The following ZNF254 variants were observed in gnomAD, a reference collection of about 807,000 sequenced individuals.
ZNF254 encodes the protein CTD-2017D11.1.
ZNF254 carries 10 observed loss-of-function variants against 12.4 expected under a neutral mutation model. The ratio of observed to expected loss-of-function variants is 0.80; its 90% CI spans 0.50 to 1.36. ZNF254 has a LOEUF of 1.36. Ranked by LOEUF, ZNF254 falls within the 40% of genes most tolerant of loss-of-function variation. ZNF254 has a pLI of 0.00. For missense variants in ZNF254, 996 were observed against 763.9 expected (o/e 1.30, Z -3.58); for synonymous variants, 305 against 253.4 (o/e 1.20, Z -1.93).
chr19:24,037,293 A>G (rs985227875), intron 1 of ZNF254, among the ~76,000 whole-genome samples: 3 of 152,238 alleles, frequency 2.0e-5, no homozygotes, highest in South Asian at 2.1e-4. Context: ...TCAGATGTCC[A>G]TGAGTTCAAG....
chr19:24,045,444 C>T (rs928020629), intron 1 of ZNF254, among the ~76,000 whole-genome samples: 2 of 151,924 alleles, frequency 1.3e-5, no homozygotes, highest in Non-Finnish European at 2.9e-5. Flanking sequence ...CCGAGGTGGG[C>T]GAATCACGAG....
At chr19:24,123,923 T>G (rs895723606) in intron 3 of ZNF254, among the ~76,000 whole-genome samples, 3 of 152,064 alleles carry the variant, frequency 2.0e-5, no homozygotes, top group Non-Finnish European at 4.4e-5. Flanking sequence ...TTTAAAATAT[T>G]TTAATAAAAC....
At chr19:24,088,855 C>G (rs1972187999) in intron 1 of ZNF254, among the ~76,000 whole-genome samples, 1 of 151,000 alleles carries the variant, frequency 6.6e-6, no homozygotes, top group Non-Finnish European at 1.5e-5. Context: ...CCGGGCTTCA[C>G]TATGTTGTCC....
At position 24,126,785 on chromosome 19, in the gene ZNF254, G is replaced by A; in HGVS notation, c.785G>A (p.Gly262Glu). 6.2e-7 allele frequency: 1 copy of A among 1,613,250 alleles called. No individual in the cohort carries two copies. The highest frequency in any genetic ancestry group is 8.5e-7 in the Non-Finnish European group (1 of 1,179,700). The stretch of plus-strand genomic sequence containing the variant: ...ACTACACATGAAATAATTCATGCTG[G>A]AGAGAAACTCTACAAATGTGAAGAA... ...TLTTHEIIHA[G>E]EKLYKCEECG... Residue 262 changes from glycine (G) to glutamate (E), a missense_variant, in exon 4 of 4, where the codon GGA (glycine) becomes GAA (glutamate). Coordinates refer to ENST00000357002, the MANE Select transcript of ZNF254 (RefSeq NM_203282.4).
At chr19:24,110,403 T>A (rs1430447980) in intron 3 of ZNF254, among the ~76,000 whole-genome samples, 1 of 151,678 alleles carries the variant, frequency 6.6e-6, no homozygotes, top group East Asian at 1.9e-4. Context: ...TCTACAAACA[T>A]TTTTTTTCTA....
At chr19:24,111,533 C>A (rs1332511312) in intron 3 of ZNF254, among the ~76,000 whole-genome samples, 1 of 152,244 alleles carries the variant, frequency 6.6e-6, no homozygotes, top group African/African-American at 2.4e-5. Context: ...GCCACACTGA[C>A]TTCCACAATG....
intron 1 of ZNF254, among the ~76,000 whole-genome samples, chr19:24,039,113 CT>C (rs1339901994): frequency 6.6e-6 from 1 of 152,216 alleles, no homozygotes; most frequent in Non-Finnish European, 1.5e-5. Flanking sequence ...TTCTCCTCTA[CT>C]TTTCCTCTCC....
intron 1 of ZNF254, among the ~76,000 whole-genome samples, chr19:24,041,483 A>G (rs550519816): frequency 1.8e-4 from 27 of 152,320 alleles, no homozygotes; most frequent in East Asian, 1.2e-3. Context: ...GGGTGTACTG[A>G]GTCCCCCAGC....
In ZNF254 at chr19:24,128,958, A is replaced by G. The variant is rs1267666667; in HGVS notation, c.*978A>G. 1 of 152,010 alleles carries G rather than the reference A, an allele frequency of 6.6e-6. No homozygotes were observed. Among genetic ancestry groups the G allele is most frequent in the East Asian group, 1.9e-4 (1 of 5,192 alleles). The allele number at this position is 152,010 out of a possible 1,614,324, so 9.4% of individuals were successfully genotyped here. On this transcript the variant is annotated 3_prime_UTR_variant, in exon 4 of 4. Coordinates refer to ENST00000357002, the MANE Select transcript of ZNF254 (RefSeq NM_203282.4). The stretch of plus-strand genomic sequence containing the variant: ...TCAACTCTTAAATTCATGCTGTTTC[A>G]TCATTGCTGGTGTATTCATATGTGA...
At chr19:24,097,277 A>C (rs1219354940) in intron 1 of ZNF254, among the ~76,000 whole-genome samples, 2 of 152,248 alleles carry the variant, frequency 1.3e-5, no homozygotes, top group Non-Finnish European at 2.9e-5. Context: ...ACAAAAGTTG[A>C]GCATAAAAAT....
intron 2 of ZNF254, among the ~76,000 whole-genome samples, chr19:24,054,901 C>T (rs184112401): frequency 3.7e-4 from 56 of 152,148 alleles, no homozygotes; most frequent in Non-Finnish European, 5.9e-5. Context: ...CTGGATAAAG[C>T]CTTTGAGTAG....
intron 2 of ZNF254, among the ~76,000 whole-genome samples, chr19:24,072,861 A>G (rs1971529205): frequency 6.6e-6 from 1 of 152,158 alleles, no homozygotes; most frequent in Non-Finnish European, 1.5e-5. Flanking sequence ...AAATTGTGAC[A>G]TATTTCTGAC....
intron 2 of ZNF254, among the ~76,000 whole-genome samples, chr19:24,052,463 C>T (rs1454957445): frequency 6.6e-6 from 1 of 152,208 alleles, no homozygotes; most frequent in Non-Finnish European, 1.5e-5. Flanking sequence ...CATTCATTAT[C>T]TAGGAGATTT....
At chr19:24,101,074 A>G (rs1410878302) in intron 1 of ZNF254, among the ~76,000 whole-genome samples, 4 of 151,916 alleles carry the variant, frequency 2.6e-5, no homozygotes, top group African/African-American at 7.2e-5. Flanking sequence ...TGATCCTTCG[A>G]CCTCAGGGGA....
intron 3 of ZNF254, among the ~76,000 whole-genome samples, chr19:24,109,716 T>A (rs947839001): frequency 7.2e-6 from 1 of 138,754 alleles, no homozygotes; most frequent in Non-Finnish European, 1.5e-5. Flanking sequence ...TTTTCTTTTC[T>A]TTTCTTTTTT....
At chr19:24,114,253 C>A (rs1254689673) in intron 3 of ZNF254, among the ~76,000 whole-genome samples, 3 of 151,730 alleles carry the variant, frequency 2.0e-5, no homozygotes, top group Non-Finnish European at 2.9e-5. Flanking sequence ...AAGCTGGAGG[C>A]ATCATGCTAC....
At chr19:24,083,540 C>A (rs1034161052), upstream of ZNF254, among the ~76,000 whole-genome samples, 24 of 151,978 alleles carry the variant, frequency 1.6e-4, no homozygotes, top group African/African-American at 5.6e-4. Flanking sequence ...CAAGATGGAT[C>A]AAAAATGTTA....
At chr19:24,045,667 C>CAAAA (rs35872820) in intron 1 of ZNF254, among the ~76,000 whole-genome samples, 11 of 88,802 alleles carry the variant, frequency 1.2e-4, no homozygotes, top group South Asian at 3.7e-4. Flanking sequence ...GACTCTGTCT[C>CAAAA]AAAAAAAAAA....
chr19:24,092,967 A>G (rs1212674996), intron 1 of ZNF254, among the ~76,000 whole-genome samples: 1 of 152,066 alleles, frequency 6.6e-6, no homozygotes, highest in Non-Finnish European at 1.5e-5. Flanking sequence ...CCTTGACATC[A>G]TCTATTTTTT....
Sources: gnomAD v4.1 joint callset for allele counts (sites outside exome capture counted in the v4.1 genomes callset) on GRCh38, gnomAD v4.1.1 for gene constraint, MANE v1.5 for transcripts, NCBI Gene and HGNC (gene_info 2026-07-23, HGNC 2026-07-21) for gene names.